The following BAIAP2L1 variants were observed in gnomAD, a reference collection of about 807,000 sequenced individuals.
BAIAP2L1 encodes the protein BAR/IMD domain containing adaptor protein 2 like 1.
Under a neutral mutation model 66.3 loss-of-function variants are expected in BAIAP2L1, and 35 were observed. The observed-to-expected ratio is 0.53, with a 90% CI of 0.40 to 0.70. The LOEUF is 0.70. BAIAP2L1 is among the 30% of genes least tolerant of loss of function. BAIAP2L1 has a pLI of 0.00. For synonymous variants in BAIAP2L1, 269 were observed against 248.7 expected, an observed-to-expected ratio of 1.08 and a Z score of -0.77; for missense variants, 622 against 656.9, an observed-to-expected ratio of 0.95 and a Z score of 0.58.
At chr7:98,331,465 C>CTTTTTTTT (rs34202570) in intron 3 of BAIAP2L1, among the ~76,000 whole-genome samples, 1 of 115,676 alleles carries the variant, frequency 8.6e-6, no homozygotes, top group Non-Finnish European at 1.7e-5. Context: ...AAAGAAAAAT[C>CTTTTTTTT]TTTTTTTTTT....
At chr7:98,370,890 C>T (rs1009577351) in intron 1 of BAIAP2L1, among the ~76,000 whole-genome samples, 2 of 151,990 alleles carry the variant, frequency 1.3e-5, no homozygotes, top group Non-Finnish European at 2.9e-5. Flanking sequence ...TTTTTAAACC[C>T]AGGGACAAAA....
chr7:98,313,981 CCTT>C (rs1191456923), intron 7 of BAIAP2L1, among the ~76,000 whole-genome samples: 9 of 120,064 alleles, frequency 7.5e-5, no homozygotes, highest in Admixed American at 6.5e-4. Context: ...CCTTTTTCTT[CCTT>C]TTTTTTTTTT....
intron 3 of BAIAP2L1, among the ~76,000 whole-genome samples, chr7:98,334,227 C>A (rs1801562707): frequency 6.6e-6 from 1 of 152,134 alleles, no homozygotes; most frequent in African/African-American, 2.4e-5. Flanking sequence ...ATGGAAGCTA[C>A]TAACAGCCCT....
At chr7:98,387,392 C>T (rs1802920768) in intron 1 of BAIAP2L1, among the ~76,000 whole-genome samples, 2 of 152,154 alleles carry the variant, frequency 1.3e-5, no homozygotes, top group South Asian at 4.1e-4. Flanking sequence ...AAAAGCTCAG[C>T]CCGTACCTAA....
At chr7:98,322,124 G>C (rs749802550) in intron 3 of BAIAP2L1, among the ~76,000 whole-genome samples, 17 of 152,068 alleles carry the variant, frequency 1.1e-4, no homozygotes, top group Non-Finnish European at 1.9e-4. Context: ...AATTCTAGTG[G>C]GGAACTGAGA....
At chr7:98,355,227 C>T in intron 2 of BAIAP2L1, 99 bp from the exon 3 acceptor site, 1 of 856,968 alleles carries the variant, frequency 1.2e-6, no homozygotes, top group Admixed American at 2.0e-5. Flanking sequence ...CTTCTGGCTG[C>T]AGGAAGGTTT....
chr7:98,345,971 T>G (rs1801864549), intron 3 of BAIAP2L1, among the ~76,000 whole-genome samples: 1 of 152,072 alleles, frequency 6.6e-6, no homozygotes, highest in Admixed American at 6.6e-5. Flanking sequence ...AATGAATGGT[T>G]GGATACGGTT....
chr7:98,346,767 T>C (rs1043424525), intron 3 of BAIAP2L1, among the ~76,000 whole-genome samples: 23 of 152,088 alleles, frequency 1.5e-4, no homozygotes, highest in African/African-American at 5.3e-4. Flanking sequence ...GAGAAACTGC[T>C]AACAAAACTG....
intron 1 of BAIAP2L1, among the ~76,000 whole-genome samples, chr7:98,375,176 C>T (rs138996677): frequency 0.02 from 2,984 of 151,222 alleles, 102 homozygotes; most frequent in African/African-American, 0.069. Context: ...AGGTGGATCA[C>T]GAGGTCAGGA....
At chr7:98,336,435 G>A (rs1463578146) in intron 3 of BAIAP2L1, among the ~76,000 whole-genome samples, 1 of 152,136 alleles carries the variant, frequency 6.6e-6, no homozygotes, top group Non-Finnish European at 1.5e-5. Context: ...CCAACATGGT[G>A]AAAAACGCTG....
intron 12 of BAIAP2L1, among the ~76,000 whole-genome samples, chr7:98,297,969 G>A (rs1217808177): frequency 3.3e-5 from 5 of 152,238 alleles, no homozygotes; most frequent in African/African-American, 2.4e-5. Context: ...AGTGGCTCAC[G>A]CCTGTAATCC....
At chr7:98,357,049 A>ATTTT (rs750965128) in intron 2 of BAIAP2L1, among the ~76,000 whole-genome samples, 5 of 12,620 alleles carry the variant, frequency 4.0e-4, no homozygotes, top group Non-Finnish European at 5.3e-4. Flanking sequence ...ATATATATAT[A>ATTTT]TTTTTTTTTT....
intron 8 of BAIAP2L1, among the ~76,000 whole-genome samples, chr7:98,310,874 T>A (rs1985594): frequency 2.6e-5 from 4 of 151,760 alleles, no homozygotes; most frequent in African/African-American, 9.7e-5. Context: ...TTAGTAGAGA[T>A]GAGGTTTCAC....
rs1355461148 is a variant in BAIAP2L1 at position 98,304,220 on chromosome 7, C to T, written c.1398G>A (p.Ala466=). 11 of 1,608,206 alleles carry T rather than the reference C, an allele frequency of 6.8e-6. No homozygotes were observed. Among genetic ancestry groups the T allele is most frequent in the East Asian group, 6.7e-5 (3 of 44,664 alleles). The change falls in exon 12 of 14, where the codon GCG becomes GCA. Residue 466 remains alanine (A), a synonymous_variant. Transcript: ENST00000005260. ...CAGGAGCCGCGGTCTCGGGCTTGGA[C>T]GCTGGGGCCTTAAAGGTGGATGTCG... ...ARTTSTFKAP[A]SKPETAAPND...
At chr7:98,303,751 G>A (rs1800520872) in intron 12 of BAIAP2L1, among the ~76,000 whole-genome samples, 1 of 152,158 alleles carries the variant, frequency 6.6e-6, no homozygotes, top group Non-Finnish European at 1.5e-5. Context: ...TGCCTAGAAG[G>A]TTTAGGGTTA....
At chr7:98,317,814 G>A (rs749267964) in intron 5 of BAIAP2L1, among the ~76,000 whole-genome samples, 6 of 148,862 alleles carry the variant, frequency 4.0e-5, no homozygotes, top group Non-Finnish European at 5.9e-5. Context: ...CCATCTTTAC[G>A]CTGGCTGGGA....
Position 98,293,436 on chromosome 7 carries a change from G to C in BAIAP2L1, c.*85C>G. 1 of 1,297,288 alleles carries C rather than the reference G, an allele frequency of 7.7e-7. No individual in the cohort carries two copies. The highest frequency in any genetic ancestry group is 1.2e-5 in the South Asian group (1 of 83,194). The allele number at this position is 1,297,288 out of a possible 1,614,324, so 80.4% of individuals were successfully genotyped here. ...TTAGGCCTCTCCACTGAAGCTTCCC[G>C]ACCGTCAGCACGTGGCAGACAGGAT... is the stretch of plus-strand genomic sequence containing the variant. On this transcript the variant is annotated 3_prime_UTR_variant, in exon 14 of 14. Transcript: ENST00000005260.
chr7:98,380,751 T>C (rs1802736893), intron 1 of BAIAP2L1, among the ~76,000 whole-genome samples: 1 of 147,590 alleles, frequency 6.8e-6, no homozygotes, highest in South Asian at 2.1e-4. Flanking sequence ...TTTTTTTTTT[T>C]TAATAAAAAA....
At chr7:98,366,880 C>T (rs1802399339) in intron 1 of BAIAP2L1, among the ~76,000 whole-genome samples, 1 of 152,112 alleles carries the variant, frequency 6.6e-6, no homozygotes, top group Admixed American at 6.6e-5. Flanking sequence ...TCCATCCCTT[C>T]TTCCCTCCTT....
Sources: allele counts gnomAD v4.1 joint callset (sites outside exome capture counted in the v4.1 genomes callset), GRCh38; gene constraint gnomAD v4.1.1; transcripts MANE v1.5; gene names NCBI Gene and HGNC (gene_info 2026-07-23, HGNC 2026-07-21).